TAB2: variants seen among roughly 807,000 people sequenced by gnomAD.
TAB2 encodes TGF-beta activated kinase 1 (MAP3K7) binding protein 2.
Under a neutral mutation model 65.0 loss-of-function variants are expected in TAB2, and 3 were observed. That is an observed-to-expected ratio of 0.05 (90% CI 0.02 to 0.12). The LOEUF is 0.12. TAB2 is among the 10% of genes least tolerant of loss of function. The pLI is 1.00. For missense variants in TAB2, 623 were observed against 840.3 expected (o/e 0.74, Z 3.20); for synonymous variants, 298 against 285.1 (o/e 1.05, Z -0.46).
intron 3 of TAB2, among the ~76,000 whole-genome samples, chr6:149,391,971 A>C (rs1158400301): frequency 6.6e-6 from 1 of 152,070 alleles, no homozygotes; most frequent in East Asian, 1.9e-4. Flanking sequence ...TTTTCGAGGA[A>C]GGTTGTTGTT....
intron 1 of TAB2, among the ~76,000 whole-genome samples, chr6:149,286,140 T>C (rs1159323516): frequency 6.6e-6 from 1 of 152,172 alleles, no homozygotes; most frequent in Non-Finnish European, 1.5e-5. Flanking sequence ...TCCAATCAAG[T>C]TTTTCAAACT....
intron 1 of TAB2, among the ~76,000 whole-genome samples, chr6:149,232,105 C>G (rs1031452528): frequency 6.6e-6 from 1 of 152,082 alleles, no homozygotes; most frequent in Non-Finnish European, 1.5e-5. Context: ...ACAAGACGTG[C>G]GCTAGAAAGA....
intron 1 of TAB2, among the ~76,000 whole-genome samples, chr6:149,285,329 A>G (rs6928940): frequency 0.47 from 71,075 of 151,952 alleles, 17,371 homozygotes; most frequent in East Asian, 0.66. Context: ...ACCAAAGACA[A>G]CCCTCAAATA....
chr6:149,275,238 A>AG (rs1778441134), intron 1 of TAB2, among the ~76,000 whole-genome samples: 6 of 38,140 alleles, frequency 1.6e-4, no homozygotes, highest in East Asian at 7.6e-4. Context: ...GAGAGAGAGA[A>AG]AGAAAGAAAG....
intron 1 of TAB2, among the ~76,000 whole-genome samples, chr6:149,338,712 T>C (rs1780008015): frequency 6.6e-6 from 1 of 152,196 alleles, no homozygotes; most frequent in African/African-American, 2.4e-5. Context: ...CTGATGTTGA[T>C]TGAGATCTTA....
At chr6:149,256,925 C>T (rs1008516341) in intron 1 of TAB2, among the ~76,000 whole-genome samples, 2 of 152,236 alleles carry the variant, frequency 1.3e-5, no homozygotes, top group African/African-American at 4.8e-5. Flanking sequence ...CAATTTATCT[C>T]TTTCTTTATA....
At chr6:149,336,723 A>G (rs2114766860) in intron 1 of TAB2, among the ~76,000 whole-genome samples, 1 of 152,280 alleles carries the variant, frequency 6.6e-6, no homozygotes, top group South Asian at 2.1e-4. Flanking sequence ...TGAAGACATA[A>G]CATTCTAAGC....
At chr6:149,359,983 A>G (rs1337586089) in intron 1 of TAB2, among the ~76,000 whole-genome samples, 1 of 152,222 alleles carries the variant, frequency 6.6e-6, no homozygotes, top group African/African-American at 2.4e-5. Context: ...TCCATTAACT[A>G]TTAATATAAT....
intron 1 of TAB2, among the ~76,000 whole-genome samples, chr6:149,253,491 CGTG>C (rs1246802701): frequency 6.6e-6 from 1 of 151,640 alleles, no homozygotes; most frequent in Non-Finnish European, 1.5e-5. Flanking sequence ...ATTAGCCGGG[CGTG>C]GTGGCACAAG....
intron 1 of TAB2, among the ~76,000 whole-genome samples, chr6:149,223,292 G>C (rs1047362970): frequency 6.6e-6 from 1 of 152,168 alleles, no homozygotes; most frequent in Non-Finnish European, 1.5e-5. Flanking sequence ...GTGACCTGTC[G>C]ATGAGGACAT....
At chr6:149,296,005 C>T (rs964081735) in intron 1 of TAB2, among the ~76,000 whole-genome samples, 2 of 152,184 alleles carry the variant, frequency 1.3e-5, no homozygotes. Context: ...CTCCTGACCT[C>T]GTGATCTGCC....
chr6:149,405,699 C>T (rs968526436), intron 6 of TAB2, among the ~76,000 whole-genome samples: 1 of 152,284 alleles, frequency 6.6e-6, no homozygotes, highest in Non-Finnish European at 1.5e-5. Context: ...AAATATCAAA[C>T]TCCTGGAAAC....
chr6:149,240,276 A>G (rs1319268467), intron 1 of TAB2, among the ~76,000 whole-genome samples: 1 of 152,142 alleles, frequency 6.6e-6, no homozygotes, highest in African/African-American at 2.4e-5. Context: ...GAGGAGGGGA[A>G]GGGGAATCTG....
chr6:149,399,528 G>GT (rs1170479029), intron 6 of TAB2, among the ~76,000 whole-genome samples: 1 of 127,910 alleles, frequency 7.8e-6, no homozygotes, highest in Non-Finnish European at 1.7e-5. Flanking sequence ...CCTTAGGGAA[G>GT]TTCCCCCCCC....
At chr6:149,336,437 G>A (rs569018950) in intron 1 of TAB2, among the ~76,000 whole-genome samples, 4 of 152,222 alleles carry the variant, frequency 2.6e-5, no homozygotes, top group African/African-American at 9.6e-5. Flanking sequence ...GGCACTTGCT[G>A]AGTACTTTAT....
At chr6:149,294,326 C>A (rs1442377396) in intron 1 of TAB2, among the ~76,000 whole-genome samples, 1 of 152,174 alleles carries the variant, frequency 6.6e-6, no homozygotes, top group Non-Finnish European at 1.5e-5. Context: ...ACATGGTCTT[C>A]CCTCTGTGCC....
chr6:149,374,667 C>T (rs1781342651), intron 2 of TAB2, among the ~76,000 whole-genome samples: 1 of 152,284 alleles, frequency 6.6e-6, no homozygotes, highest in African/African-American at 2.4e-5. Context: ...GTTTTAAAAT[C>T]ACAAAAAGAC....
chr6:149,327,524 C>T (rs1779655264), intron 1 of TAB2, among the ~76,000 whole-genome samples: 1 of 152,144 alleles, frequency 6.6e-6, no homozygotes, highest in African/African-American at 2.4e-5. Flanking sequence ...GTCTGCTGTT[C>T]AGAAGTTAAG....
At chr6:149,315,935 T>C (rs1022000796), upstream of TAB2, among the ~76,000 whole-genome samples, 1 of 152,214 alleles carries the variant, frequency 6.6e-6, no homozygotes, top group African/African-American at 2.4e-5. Flanking sequence ...ATTCCATAAA[T>C]TTTTTTAAAA....
Sources: gnomAD v4.1 joint callset for allele counts (sites outside exome capture counted in the v4.1 genomes callset) on GRCh38, gnomAD v4.1.1 for gene constraint, MANE v1.5 for transcripts, NCBI Gene and HGNC (gene_info 2026-07-23, HGNC 2026-07-21) for gene names.